The following CDH11 variants were observed in gnomAD, a reference collection of about 807,000 sequenced individuals.
CDH11 encodes cadherin-11.
CDH11 carries 11 observed loss-of-function variants against 67.8 expected under a neutral mutation model. The observed-to-expected ratio is 0.16, with a 90% CI of 0.10 to 0.27. CDH11 has a LOEUF of 0.27. Among genes scored for constraint, CDH11 ranks in the 10% least tolerant of loss-of-function variants. CDH11 has a pLI of 1.00. For synonymous variants in CDH11, 419 were observed against 400.0 expected, an observed-to-expected ratio of 1.05 and a Z score of -0.57; for missense variants, 847 against 1,031.2, an observed-to-expected ratio of 0.82 and a Z score of 2.45.
At position 64,944,382 on chromosome 16, in the gene CDH11, C is replaced by T; in HGVS notation, c.*3221G>A. 1 of 232,472 alleles carries T rather than the reference C, an allele frequency of 4.3e-6. No individual in the cohort carries two copies. Among genetic ancestry groups the T allele is most frequent in the Non-Finnish European group, 8.5e-6 (1 of 117,702 alleles). The allele number at this position is 232,472 out of a possible 1,614,324, so 14.4% of individuals were successfully genotyped here. On this transcript the variant is annotated 3_prime_UTR_variant, in exon 13 of 13. Transcript: ENST00000268603. Reference sequence around the variant, plus strand: ...TCCAAATTACTGAATTATTTCAGGCCCTCATTCTATCTCATATTGACCTTT... The same window carrying T: ...TCCAAATTACTGAATTATTTCAGGCTCTCATTCTATCTCATATTGACCTTT...
intron 2 of CDH11, among the ~76,000 whole-genome samples, chr16:65,045,349 A>ATATATATC (rs1354349510): frequency 1.6e-4 from 13 of 82,712 alleles, no homozygotes; most frequent in Admixed American, 5.0e-4. Flanking sequence ...ATATATATAT[A>ATATATATC]TATATATATA....
At chr16:64,950,548 G>A (rs556453584) in intron 12 of CDH11, among the ~76,000 whole-genome samples, 7 of 152,148 alleles carry the variant, frequency 4.6e-5, no homozygotes, top group Admixed American at 4.6e-4. Context: ...GAACTCAGTT[G>A]TCTGCTCCCT....
chr16:65,103,900 T>C (rs1274243877), intron 1 of CDH11, among the ~76,000 whole-genome samples: 1 of 152,216 alleles, frequency 6.6e-6, no homozygotes, highest in Non-Finnish European at 1.5e-5. Flanking sequence ...TTTTGATATA[T>C]TGGCTTAAAT....
chr16:64,995,194 T>G (rs2072732973), intron 4 of CDH11, among the ~76,000 whole-genome samples: 1 of 152,062 alleles, frequency 6.6e-6, no homozygotes. Flanking sequence ...ATGCTATTTC[T>G]ATCAAACTAG....
In CDH11 at chr16:65,121,838, GCCCCAAC is replaced by G; in HGVS notation, c.-298+35_-298+41del. 1 of 700,850 alleles carries G rather than the reference GCCCCAAC, an allele frequency of 1.4e-6. No homozygotes were observed. The highest frequency in any genetic ancestry group is 2.6e-6 in the Non-Finnish European group (1 of 384,100). 43.4% of individuals were successfully genotyped at this position (700,850 alleles called of 1,614,324 possible). A position where few individuals can be genotyped will look rare whatever the true frequency, so the allele number is the denominator to read the frequency against. On this transcript the variant is annotated intron_variant, in intron 1 of 12. Coordinates refer to ENST00000268603, the MANE Select transcript of CDH11 (RefSeq NM_001797.4). This position sits in a 1 kb window ranked among gnomAD's most constrained non-coding sequence, Gnocchi z 4.1. ...AAAATCCTGCCCCCCATTCCAAGAA[GCCCCAAC>G]CAGGCGAGAGGAAGGGACTGGCGGC...
At chr16:65,033,539 C>A (rs1473089296) in intron 2 of CDH11, among the ~76,000 whole-genome samples, 1 of 151,918 alleles carries the variant, frequency 6.6e-6, no homozygotes, top group Non-Finnish European at 1.5e-5. Flanking sequence ...AGGAGACAGG[C>A]CATCCTGGCC....
rs911904643 is a variant in CDH11 at position 64,943,910 on chromosome 16, C to T, written c.*3693G>A. On this transcript the variant is annotated 3_prime_UTR_variant, in exon 13 of 13. Transcript: ENST00000268603. Reference sequence around the variant, plus strand: ...TCAGTCCCACCCACCCACACACATACATAAAGCCAAAAAGCAAAATAAGTT... The same window carrying T: ...TCAGTCCCACCCACCCACACACATATATAAAGCCAAAAAGCAAAATAAGTT... 4.4e-6 allele frequency: 1 copy of T among 229,800 alleles called. No homozygotes were observed. Among genetic ancestry groups the T allele is most frequent in the African/African-American group, 2.2e-5 (1 of 45,168 alleles). The allele number at this position is 229,800 out of a possible 1,614,324, so 14.2% of individuals were successfully genotyped here.
intron 11 of CDH11, among the ~76,000 whole-genome samples, chr16:64,961,527 A>G (rs1247108018): frequency 6.6e-6 from 1 of 152,130 alleles, no homozygotes; most frequent in African/African-American, 2.4e-5. Flanking sequence ...TTATCTCTCA[A>G]ATTGGCAGCT....
chr16:65,083,146 A>G (rs1265986319), intron 1 of CDH11, among the ~76,000 whole-genome samples: 1 of 152,178 alleles, frequency 6.6e-6, no homozygotes, highest in African/African-American at 2.4e-5. Context: ...ACACTGAAAC[A>G]CAGAAAGTTT....
chr16:65,006,336 C>T (rs1447663636), intron 2 of CDH11, among the ~76,000 whole-genome samples: 1 of 152,150 alleles, frequency 6.6e-6, no homozygotes, highest in East Asian at 1.9e-4. Context: ...TCACTGTCAT[C>T]ACCTAATTTT....
At chr16:64,991,693 G>T in intron 6 of CDH11, 75 bp downstream of exon 6, 1 of 1,068,102 alleles carries the variant, frequency 9.4e-7, no homozygotes, top group Admixed American at 1.9e-5. Flanking sequence ...CCTCAGTAAA[G>T]CAGGAATAGG....
intron 8 of CDH11, among the ~76,000 whole-genome samples, chr16:64,978,029 T>C (rs2072225760): frequency 6.6e-6 from 1 of 152,220 alleles, no homozygotes; most frequent in Non-Finnish European, 1.5e-5. Flanking sequence ...GTAATTTCCT[T>C]TCATATTTAG....
intron 2 of CDH11, among the ~76,000 whole-genome samples, chr16:65,051,364 G>A (rs2142710574): frequency 6.6e-6 from 1 of 152,234 alleles, no homozygotes; most frequent in Non-Finnish European, 1.5e-5. Context: ...GCTTGTGTGG[G>A]CTGCAGGAAA....
rs1188217232 is a variant in CDH11, at chr16:65,041,164, T to C, written c.-173+12640A>G. Among the ~76,000 whole-genome samples the C allele has an allele frequency of 5.3e-5, 8 of 152,208 alleles. No individual in the cohort carries two copies. The East Asian group carries it at 1.3e-3, about 26-fold the overall frequency. ...CCTGGATTGACACCTGACATCTTCCTGGCCTTCCCAAATAGACAGTATGTT... is the reference window on the plus strand; with the variant it reads ...CCTGGATTGACACCTGACATCTTCCCGGCCTTCCCAAATAGACAGTATGTT... On this transcript the variant is annotated intron_variant, in intron 2 of 12. Transcript: ENST00000268603.
intron 4 of CDH11, among the ~76,000 whole-genome samples, chr16:64,996,217 C>T (rs755460437): frequency 3.3e-5 from 5 of 152,134 alleles, no homozygotes; most frequent in African/African-American, 7.2e-5. Context: ...AGGCTGGGCA[C>T]GGTGGCTTAT....
intron 2 of CDH11, among the ~76,000 whole-genome samples, chr16:65,007,733 G>C (rs955847250): frequency 6.6e-6 from 1 of 152,144 alleles, no homozygotes; most frequent in Non-Finnish European, 1.5e-5. Context: ...TTCATGATTA[G>C]AGTTTCAGTG....
chr16:65,100,461 G>A (rs2074971476), intron 1 of CDH11, among the ~76,000 whole-genome samples: 1 of 152,088 alleles, frequency 6.6e-6, no homozygotes, highest in African/African-American at 2.4e-5. Context: ...AAAACTGGCT[G>A]GACATGGTGG....
intron 8 of CDH11, among the ~76,000 whole-genome samples, chr16:64,975,649 T>A (rs1397570728): frequency 1.3e-5 from 2 of 152,192 alleles, no homozygotes; most frequent in African/African-American, 4.8e-5. Context: ...ACATGCTTGC[T>A]ATTGTGAATA....
At chr16:65,048,333 G>A (rs946259358) in intron 2 of CDH11, among the ~76,000 whole-genome samples, 2 of 152,176 alleles carry the variant, frequency 1.3e-5, no homozygotes, top group African/African-American at 4.8e-5. Context: ...AAACAGTGTG[G>A]AGATTTCTCA....
Sources: gnomAD v4.1 joint callset for allele counts (sites outside exome capture counted in the v4.1 genomes callset) on GRCh38, gnomAD v4.1.1 for gene constraint, Gnocchi (gnomAD v3.1) non-coding constraint, MANE v1.5 for transcripts, NCBI Gene and HGNC (gene_info 2026-07-23, HGNC 2026-07-21) for gene names.